GRID1: variants seen among roughly 807,000 people sequenced by gnomAD.
The protein encoded by GRID1 is glutamate ionotropic receptor delta type subunit 1.
GRID1 carries 28 observed loss-of-function variants against 98.0 expected under a neutral mutation model. That is an observed-to-expected ratio of 0.29 (90% CI 0.21 to 0.39). GRID1 has a LOEUF of 0.39. Ranked by LOEUF, GRID1 falls within the 10% of genes least tolerant of loss-of-function variation. The pLI, the probability that GRID1 is intolerant of heterozygous loss-of-function variation, is 1.00. For missense variants in GRID1, 1,111 were observed against 1,340.5 expected, an observed-to-expected ratio of 0.83 and a Z score of 2.67; for synonymous variants, 553 against 538.5, an observed-to-expected ratio of 1.03 and a Z score of -0.37.
At chr10:86,043,069 AC>A (rs1343923434) in intron 4 of GRID1, among the ~76,000 whole-genome samples, 2 of 152,166 alleles carry the variant, frequency 1.3e-5, no homozygotes, top group African/African-American at 4.8e-5. Flanking sequence ...AGCCTGGGTG[AC>A]AGAGCAAGAC....
At chr10:86,336,315 C>T (rs1336784250) in intron 2 of GRID1, among the ~76,000 whole-genome samples, 1 of 152,230 alleles carries the variant, frequency 6.6e-6, no homozygotes, top group Non-Finnish European at 1.5e-5. Flanking sequence ...TCCCCAGCCC[C>T]TGGCCAAGCA....
chr10:85,837,265 C>T (rs1341367599), intron 8 of GRID1, among the ~76,000 whole-genome samples: 1 of 152,172 alleles, frequency 6.6e-6, no homozygotes, highest in East Asian at 1.9e-4. Context: ...CCTATGCCAG[C>T]CAGCACCTTG....
chr10:85,840,852 T>A (rs1049538090), intron 8 of GRID1, among the ~76,000 whole-genome samples: 2 of 151,870 alleles, frequency 1.3e-5, no homozygotes, highest in Admixed American at 1.3e-4. Context: ...CATTAACAAA[T>A]GAAAAAAACA....
chr10:85,821,936 A>T (rs1285247660), intron 8 of GRID1, among the ~76,000 whole-genome samples: 3 of 152,178 alleles, frequency 2.0e-5, no homozygotes, highest in Non-Finnish European at 4.4e-5. Flanking sequence ...AGAAATGGGG[A>T]AAGGATTCCC....
rs898381417 is a variant in GRID1, at chr10:85,723,112, T to A, written c.1888A>T (p.Met630Leu). 2 of 1,611,202 alleles carry A rather than the reference T, an allele frequency of 1.2e-6. No individual in the cohort carries two copies. Among genetic ancestry groups the A allele is most frequent in the Non-Finnish European group, 1.7e-6 (2 of 1,178,728 alleles). The change falls in exon 12 of 16, where the codon ATG (methionine) becomes TTG (leucine). Residue 630 changes from methionine (M) to leucine (L), a missense_variant. By Grantham distance (15) the Met-to-Leu change is conservative (BLOSUM62 2). Transcript: ENST00000327946. ...GGESSVNSMA[M>L]RIVMGSWWLF... Reference sequence around the variant, plus strand: ...CACCAGCTGCCCATCACGATGCGCATGGCCATGGAGTTCACGGAAGATTCG... The same window carrying A: ...CACCAGCTGCCCATCACGATGCGCAAGGCCATGGAGTTCACGGAAGATTCG...
chr10:86,331,920 T>C (rs1848148238), intron 2 of GRID1, among the ~76,000 whole-genome samples: 1 of 152,154 alleles, frequency 6.6e-6, no homozygotes, highest in African/African-American at 2.4e-5. Flanking sequence ...CAGAGATGTA[T>C]CAGACACGGG....
intron 8 of GRID1, among the ~76,000 whole-genome samples, chr10:85,771,548 A>T (rs1341208687): frequency 6.6e-6 from 1 of 152,140 alleles, no homozygotes; most frequent in Non-Finnish European, 1.5e-5. Context: ...AAGAGTCAAG[A>T]CCCATCAGTG....
intron 3 of GRID1, among the ~76,000 whole-genome samples, chr10:86,159,096 G>A (rs781128863): frequency 4.1e-4 from 62 of 152,072 alleles, no homozygotes; most frequent in African/African-American, 7.2e-4. Context: ...GGGTTTCACC[G>A]TGTTAGTCAG....
intron 4 of GRID1, among the ~76,000 whole-genome samples, chr10:86,021,309 T>C (rs972980088): frequency 2.0e-5 from 3 of 152,170 alleles, no homozygotes; most frequent in Non-Finnish European, 4.4e-5. Context: ...GCTGAGCCTT[T>C]TATTATAATA....
chr10:85,734,517 G>C (rs1841858319), intron 8 of GRID1, among the ~76,000 whole-genome samples: 1 of 152,066 alleles, frequency 6.6e-6, no homozygotes, highest in Non-Finnish European at 1.5e-5. Flanking sequence ...ACAGACTTCT[G>C]TCTCCCTGGC....
intron 8 of GRID1, among the ~76,000 whole-genome samples, chr10:85,808,263 A>G (rs1842640345): frequency 6.6e-6 from 1 of 152,228 alleles, no homozygotes; most frequent in African/African-American, 2.4e-5. Context: ...TGGAAATCAA[A>G]CACAAGCACG....
At chr10:85,952,673 C>T (rs1421273532) in intron 4 of GRID1, among the ~76,000 whole-genome samples, 1 of 152,146 alleles carries the variant, frequency 6.6e-6, no homozygotes, top group Non-Finnish European at 1.5e-5. Context: ...AGAAACAAAA[C>T]AGGGCCTTGC....
chr10:85,901,212 ATTTAT>A (rs568611741), intron 5 of GRID1, among the ~76,000 whole-genome samples: 23 of 149,420 alleles, frequency 1.5e-4, no homozygotes, highest in East Asian at 3.9e-4. Flanking sequence ...TTATTTATTC[ATTTAT>A]TTTATTTTAT....
intron 12 of GRID1, among the ~76,000 whole-genome samples, chr10:85,669,293 G>T (rs1176028675): frequency 6.6e-6 from 1 of 152,202 alleles, no homozygotes; most frequent in Admixed American, 6.5e-5. Flanking sequence ...CATGAGCCAG[G>T]CAATGTGTAG....
At chr10:86,129,136 G>GGA (rs1844798523) in intron 4 of GRID1, among the ~76,000 whole-genome samples, 1 of 152,172 alleles carries the variant, frequency 6.6e-6, no homozygotes, top group South Asian at 2.1e-4. Context: ...AGTTGACCAT[G>GGA]GAGACACAGA....
intron 4 of GRID1, among the ~76,000 whole-genome samples, chr10:85,926,607 C>T (rs918355580): frequency 6.6e-6 from 1 of 152,170 alleles, no homozygotes; most frequent in Non-Finnish European, 1.5e-5. Flanking sequence ...GATGCCTGCT[C>T]TTAGTCCTCA....
intron 2 of GRID1, among the ~76,000 whole-genome samples, chr10:86,292,648 G>A (rs1244626388): frequency 3.3e-5 from 5 of 152,186 alleles, no homozygotes; most frequent in Non-Finnish European, 4.4e-5. Flanking sequence ...ATTTCCGTGT[G>A]TGCATGTGAA....
chr10:85,613,862 C>T (rs547865914), intron 14 of GRID1, among the ~76,000 whole-genome samples: 3 of 152,200 alleles, frequency 2.0e-5, no homozygotes, highest in Non-Finnish European at 4.4e-5. Flanking sequence ...ACTCCCCTCC[C>T]CAACAGCCCC....
At chr10:86,010,435 C>T (rs868209279) in intron 4 of GRID1, among the ~76,000 whole-genome samples, 1 of 152,166 alleles carries the variant, frequency 6.6e-6, no homozygotes, top group African/African-American at 2.4e-5. Context: ...CTATGAAGGG[C>T]AGGCAGGGTG....
Sources: allele counts gnomAD v4.1 joint callset (sites outside exome capture counted in the v4.1 genomes callset), GRCh38; gene constraint gnomAD v4.1.1; transcripts MANE v1.5; gene names NCBI Gene and HGNC (gene_info 2026-07-23, HGNC 2026-07-21).